The following PHLPP1 variants were observed in gnomAD, a reference collection of about 807,000 sequenced individuals.
PHLPP1 encodes PH domain leucine-rich repeat-containing protein phosphatase 1.
Under a neutral mutation model 117.2 loss-of-function variants are expected in PHLPP1, and 42 were observed. That is an observed-to-expected ratio of 0.36 (90% CI 0.28 to 0.46). PHLPP1 has a LOEUF of 0.46. Ranked by LOEUF, PHLPP1 falls within the 20% of genes least tolerant of loss-of-function variation. The pLI, the probability that PHLPP1 is intolerant of heterozygous loss-of-function variation, is 1.00. For synonymous variants in PHLPP1, 1,042 were observed against 970.7 expected, an observed-to-expected ratio of 1.07 and a Z score of -1.37; for missense variants, 2,084 against 2,241.9, an observed-to-expected ratio of 0.93 and a Z score of 1.42.
At chr18:62,821,548 CCAAAAAAA>C (rs1226274481) in intron 1 of PHLPP1, among the ~76,000 whole-genome samples, 5 of 29,342 alleles carry the variant, frequency 1.7e-4, no homozygotes, top group Admixed American at 1.5e-3. Context: ...GACCCTTTAT[CCAAAAAAA>C]AAAAAAAAAA....
At chr18:62,844,051 A>G (rs1915116342) in intron 3 of PHLPP1, among the ~76,000 whole-genome samples, 1 of 152,188 alleles carries the variant, frequency 6.6e-6, no homozygotes, top group East Asian at 1.9e-4. Context: ...ATTCTACTTT[A>G]AAGTCTGCTT....
intron 5 of PHLPP1, 145 bp downstream of exon 5, chr18:62,895,302 C>A: frequency 1.4e-6 from 1 of 730,032 alleles, no homozygotes; most frequent in Admixed American, 2.9e-5. Flanking sequence ...CTATGTAGTC[C>A]GTATGGAGTT....
At chr18:62,856,532 G>T (rs532524778) in intron 3 of PHLPP1, among the ~76,000 whole-genome samples, 1 of 152,004 alleles carries the variant, frequency 6.6e-6, no homozygotes, top group Non-Finnish European at 1.5e-5. Context: ...GGCTCAAGTG[G>T]TCCGTCCACC....
chr18:62,721,431 T>TGG (rs1367960082), intron 1 of PHLPP1, among the ~76,000 whole-genome samples: 1 of 136,066 alleles, frequency 7.3e-6, no homozygotes, highest in East Asian at 2.2e-4. Context: ...GGGGTGTGGG[T>TGG]GTGTGTGTGT....
intron 1 of PHLPP1, among the ~76,000 whole-genome samples, chr18:62,823,569 A>G (rs1024926070): frequency 1.1e-4 from 15 of 134,602 alleles, no homozygotes; most frequent in Non-Finnish European, 2.4e-4. Context: ...TCAAATATAT[A>G]TATCTATATA....
intron 13 of PHLPP1, among the ~76,000 whole-genome samples, chr18:62,961,427 G>T (rs1776374028): frequency 6.6e-6 from 1 of 152,204 alleles, no homozygotes; most frequent in Admixed American, 6.5e-5. Context: ...GTGTGCTGGG[G>T]AGAGGGGGCA....
At chr18:62,800,006 C>G (rs747906050) in intron 1 of PHLPP1, among the ~76,000 whole-genome samples, 3 of 152,142 alleles carry the variant, frequency 2.0e-5, no homozygotes, top group Admixed American at 1.3e-4. Context: ...TATTAACCCA[C>G]ACCCCAAAGG....
rs150519163 is a variant in PHLPP1, at chr18:62,959,616, A to G, written c.3455+857A>G. 2.7e-3 allele frequency among the ~76,000 whole-genome samples: 414 copies of G among 152,336 alleles called. 1 individual carries two copies. Among genetic ancestry groups the G allele is most frequent in the Middle Eastern group, 6.8e-3 (2 of 294 alleles). ...GCAGTTTTAAACATTGTCATACATT[A>G]GTCATTATGCATGCCATATATGTTT... is the stretch of plus-strand genomic sequence containing the variant. On this transcript the variant is annotated intron_variant, in intron 13 of 16. Coordinates refer to ENST00000262719, the MANE Select transcript of PHLPP1 (RefSeq NM_194449.4).
At chr18:62,810,199 A>G (rs1247695247) in intron 1 of PHLPP1, among the ~76,000 whole-genome samples, 1 of 152,184 alleles carries the variant, frequency 6.6e-6, no homozygotes, top group Non-Finnish European at 1.5e-5. Context: ...TATCTATAGT[A>G]GTTTGAATTT....
At chr18:62,870,352 A>G (rs534723503) in intron 4 of PHLPP1, among the ~76,000 whole-genome samples, 11 of 152,330 alleles carry the variant, frequency 7.2e-5, no homozygotes, top group African/African-American at 2.6e-4. Context: ...TAATACCAGG[A>G]ATTAAATGTA....
intron 4 of PHLPP1, among the ~76,000 whole-genome samples, chr18:62,888,559 GACGTGGTGATGCAC>G (rs1426689816): frequency 6.6e-6 from 1 of 152,092 alleles, no homozygotes; most frequent in East Asian, 1.9e-4. Context: ...AACTTAGCTG[GACGTGGTGATGCAC>G]ACCTGTGGTC....
chr18:62,741,446 A>G (rs1449186930), intron 1 of PHLPP1, among the ~76,000 whole-genome samples: 1 of 152,246 alleles, frequency 6.6e-6, no homozygotes, highest in Non-Finnish European at 1.5e-5. Context: ...GCTGGGGGAA[A>G]AGATGAGTCA....
At chr18:62,890,244 T>TTTTATTTATTAATAAATAA (rs2144393365) in intron 4 of PHLPP1, among the ~76,000 whole-genome samples, 1 of 152,072 alleles carries the variant, frequency 6.6e-6, no homozygotes, top group South Asian at 2.1e-4. Flanking sequence ...CTCTCTTCCA[T>TTTTATTTATTAATAAATAA]TTTATTTATT....
At chr18:62,899,336 C>T (rs575488969) in intron 6 of PHLPP1, among the ~76,000 whole-genome samples, 8 of 152,298 alleles carry the variant, frequency 5.3e-5, no homozygotes, top group African/African-American at 1.7e-4. Context: ...ACCCTTGCAT[C>T]CCCTGCCCTC....
intron 4 of PHLPP1, among the ~76,000 whole-genome samples, chr18:62,865,288 T>C (rs900912177): frequency 5.3e-5 from 8 of 152,290 alleles, no homozygotes; most frequent in Middle Eastern, 3.4e-3. Flanking sequence ...ATTACACTAT[T>C]GCACTCCAGC....
At chr18:62,904,482 G>A (rs1916798773) in intron 7 of PHLPP1, among the ~76,000 whole-genome samples, 1 of 152,204 alleles carries the variant, frequency 6.6e-6, no homozygotes, top group South Asian at 2.1e-4. Context: ...TTATTGTGAT[G>A]GGCTTCATGT....
chr18:62,875,262 T>C (rs922602742), intron 4 of PHLPP1, among the ~76,000 whole-genome samples: 1 of 151,956 alleles, frequency 6.6e-6, no homozygotes, highest in Non-Finnish European at 1.5e-5. Flanking sequence ...CCTATAGAAT[T>C]CTTAATGTGA....
At chr18:62,917,394 CTT>C (rs1491124908) in intron 9 of PHLPP1, among the ~76,000 whole-genome samples, 13 of 58,254 alleles carry the variant, frequency 2.2e-4, no homozygotes, top group South Asian at 4.6e-4. Context: ...AAACAGTATT[CTT>C]TGTGTGTGTG....
At chr18:62,956,806 C>A (rs1910623985) in intron 12 of PHLPP1, among the ~76,000 whole-genome samples, 1 of 152,062 alleles carries the variant, frequency 6.6e-6, no homozygotes, top group African/African-American at 2.4e-5. Context: ...TTGGAAGCAA[C>A]TGTATGAAAC....
Sources: allele counts gnomAD v4.1 joint callset (sites outside exome capture counted in the v4.1 genomes callset), GRCh38; gene constraint gnomAD v4.1.1; transcripts MANE v1.5; gene names NCBI Gene and HGNC (gene_info 2026-07-23, HGNC 2026-07-21).